AOPEP: variants seen among roughly 807,000 people sequenced by gnomAD.
AOPEP encodes the protein aminopeptidase O.
In AOPEP, 77 loss-of-function variants were observed where a neutral mutation model predicts 98.1. The observed-to-expected ratio is 0.78, with a 90% CI of 0.65 to 0.95. The LOEUF is 0.95. AOPEP is among the 40% of genes least tolerant of loss of function. AOPEP has a pLI of 0.00. For missense variants in AOPEP, 1,024 were observed against 1,024.7 expected (o/e 1.00, Z 0.01); for synonymous variants, 346 against 365.3 (o/e 0.95, Z 0.60).
chr9:94,879,831 C>T (rs1301840703), intron 5 of AOPEP, among the ~76,000 whole-genome samples: 1 of 152,142 alleles, frequency 6.6e-6, no homozygotes, highest in Non-Finnish European at 1.5e-5. Flanking sequence ...AGTTTTGGAA[C>T]ATATACCTCA....
chr9:94,860,303 G>A (rs1270645264), intron 5 of AOPEP, among the ~76,000 whole-genome samples: 1 of 151,782 alleles, frequency 6.6e-6, no homozygotes. Context: ...GAGATTGGCA[G>A]CATCATAAGG....
chr9:95,067,243 G>A (rs911583651), intron 14 of AOPEP, among the ~76,000 whole-genome samples: 5 of 152,160 alleles, frequency 3.3e-5, no homozygotes, highest in African/African-American at 9.7e-5. Context: ...TGTTCAGGCC[G>A]CTCGCACGGA....
intron 7 of AOPEP, among the ~76,000 whole-genome samples, chr9:94,944,540 A>T (rs1285320924): frequency 6.6e-6 from 1 of 152,194 alleles, no homozygotes; most frequent in Non-Finnish European, 1.5e-5. Flanking sequence ...AGGCAAATCC[A>T]TAGAGACAAA....
intron 16 of AOPEP, among the ~76,000 whole-genome samples, chr9:95,083,388 AGCACACACAGC>A (rs1468319538): frequency 6.7e-6 from 1 of 150,152 alleles, no homozygotes; most frequent in African/African-American, 2.5e-5. Context: ...CGGCACACAC[AGCACACACAGC>A]GCACGCACCA....
intron 11 of AOPEP, chr9:95,003,962 G>C (rs553278800): frequency 4.6e-5 from 10 of 216,380 alleles, no homozygotes; most frequent in Non-Finnish European, 8.5e-5. Context: ...ATAAATTCCT[G>C]ATGTCTCCAT....
At chr9:94,762,363 C>T (rs771775728) in intron 2 of AOPEP, among the ~76,000 whole-genome samples, 13 of 151,722 alleles carry the variant, frequency 8.6e-5, no homozygotes, top group East Asian at 3.9e-4. Flanking sequence ...AGGAGAATGG[C>T]GTGAACCCGG....
intron 11 of AOPEP, among the ~76,000 whole-genome samples, chr9:94,986,978 C>T (rs186738870): frequency 5.3e-5 from 8 of 150,848 alleles, no homozygotes; most frequent in Admixed American, 1.3e-4. Context: ...TAGGCTTCTA[C>T]GGTAGAACTT....
the AOPEP span, among the ~76,000 whole-genome samples, chr9:95,120,356 C>A: frequency 7.9e-5 from 12 of 151,864 alleles, no homozygotes; most frequent in Non-Finnish European, 1.8e-4. Context: ...CAATTCTGAT[C>A]TATCTATGGC....
chr9:94,825,286 GC>G (rs1854242536), intron 5 of AOPEP, among the ~76,000 whole-genome samples: 1 of 152,216 alleles, frequency 6.6e-6, no homozygotes, highest in Admixed American at 6.5e-5. Context: ...TGGAAGACCA[GC>G]CCCGCATCCT....
At chr9:94,992,501 A>G (rs1460702037) in intron 11 of AOPEP, among the ~76,000 whole-genome samples, 5 of 152,244 alleles carry the variant, frequency 3.3e-5, no homozygotes, top group Non-Finnish European at 5.9e-5. Context: ...GGCTGGGTAG[A>G]GGAGGAAAGT....
At chr9:94,984,264 C>T (rs978610826) in intron 11 of AOPEP, among the ~76,000 whole-genome samples, 5 of 152,180 alleles carry the variant, frequency 3.3e-5, no homozygotes, top group African/African-American at 9.6e-5. Flanking sequence ...CTCCTGACCT[C>T]GTGATCTGTC....
chr9:95,085,774 G>T lies in AOPEP; in HGVS notation c.*5-908G>T, dbSNP rs2070589758. Among the ~76,000 whole-genome samples, 3 of 152,214 alleles carry T rather than the reference G, an allele frequency of 2.0e-5. No homozygotes were observed. The South Asian group carries it at 6.2e-4, about 32-fold the overall frequency. ...GTCTGAAAGGTCAAATGTATTGAAA[G>T]TTGCAAAAATTCTTCTTACAAAAAA... On this transcript the variant is annotated intron_variant, in intron 16 of 16. Transcript: ENST00000375315.
chr9:94,997,527 G>A (rs985765035), intron 11 of AOPEP, among the ~76,000 whole-genome samples: 2 of 152,144 alleles, frequency 1.3e-5, no homozygotes, highest in Non-Finnish European at 2.9e-5. Flanking sequence ...GAGGGGTGGA[G>A]GTGCTTCAGA....
chr9:94,875,623 C>G (rs151254224), intron 5 of AOPEP, among the ~76,000 whole-genome samples: 1 of 152,328 alleles, frequency 6.6e-6, no homozygotes, highest in African/African-American at 2.4e-5. Flanking sequence ...TAGAAGCACA[C>G]TCCTCAGTTA....
At chr9:94,808,806 C>G (rs1849823231) in intron 5 of AOPEP, among the ~76,000 whole-genome samples, 1 of 152,214 alleles carries the variant, frequency 6.6e-6, no homozygotes, top group Admixed American at 6.5e-5. Flanking sequence ...CTGGTCCTAC[C>G]CACCCTTGGC....
intron 2 of AOPEP, among the ~76,000 whole-genome samples, chr9:94,761,852 G>T (rs1838383074): frequency 6.6e-6 from 1 of 152,114 alleles, no homozygotes; most frequent in Non-Finnish European, 1.5e-5. Flanking sequence ...GAATGAAACG[G>T]GTGTTCTTAT....
At chr9:94,747,122 G>A (rs565304271) in intron 1 of AOPEP, among the ~76,000 whole-genome samples, 80 of 150,224 alleles carry the variant, frequency 5.3e-4, no homozygotes, top group Non-Finnish European at 1.1e-3. Flanking sequence ...TCACTCTTAC[G>A]TGCTTCCTGA....
chr9:94,878,364 C>T (rs1459314714), intron 5 of AOPEP, among the ~76,000 whole-genome samples: 1 of 150,550 alleles, frequency 6.6e-6, no homozygotes, highest in East Asian at 2.0e-4. Flanking sequence ...GATGTGGACC[C>T]AAGGTTACAG....
intron 5 of AOPEP, chr9:94,920,090 G>C (rs1161853743): frequency 6.6e-6 from 1 of 152,110 alleles, no homozygotes; most frequent in Non-Finnish European, 1.5e-5. Flanking sequence ...GAGTTTGAGA[G>C]GGGGCGGGCG....
Sources: allele counts gnomAD v4.1 joint callset (sites outside exome capture counted in the v4.1 genomes callset), GRCh38; gene constraint gnomAD v4.1.1; transcripts MANE v1.5; gene names NCBI Gene and HGNC (gene_info 2026-07-23, HGNC 2026-07-21).